The following RARB variants were observed in gnomAD, a reference collection of about 807,000 sequenced individuals.
RARB encodes the protein HBV-activated protein.
In RARB, 17 loss-of-function variants were observed where a neutral mutation model predicts 51.9. That is an observed-to-expected ratio of 0.33 (90% CI 0.22 to 0.49). The LOEUF is 0.49. RARB is among the 20% of genes least tolerant of loss of function. The pLI is 0.99. For synonymous variants in RARB, 215 were observed against 195.4 expected (o/e 1.10, Z -0.84); for missense variants, 369 against 550.8 (o/e 0.67, Z 3.30).
intron 2 of RARB, among the ~76,000 whole-genome samples, chr3:25,040,489 T>G (rs1698089501): frequency 1.3e-5 from 2 of 152,114 alleles, no homozygotes; most frequent in African/African-American, 4.8e-5. Context: ...TCTCAGCACT[T>G]TGGGAGGCCT....
intron 4 of RARB, among the ~76,000 whole-genome samples, chr3:25,135,812 C>A (rs1020710614): frequency 6.6e-6 from 1 of 151,822 alleles, no homozygotes; most frequent in Non-Finnish European, 1.5e-5. Flanking sequence ...AATCAGGCAC[C>A]ATGCACCAAG....
intron 5 of RARB, among the ~76,000 whole-genome samples, chr3:25,186,188 C>A (rs912292210): frequency 5.3e-4 from 80 of 152,120 alleles, no homozygotes; most frequent in African/African-American, 1.7e-3. Context: ...AAAAGAAATT[C>A]AGATATCCCA....
At chr3:24,927,484 T>C (rs1343314847) in intron 2 of RARB, among the ~76,000 whole-genome samples, 2 of 152,098 alleles carry the variant, frequency 1.3e-5, no homozygotes, top group Admixed American at 1.3e-4. Context: ...TAGGGATGTA[T>C]TGAGATTGAA....
intron 2 of RARB, among the ~76,000 whole-genome samples, chr3:25,470,085 G>C (rs1243930139): frequency 1.3e-5 from 2 of 152,142 alleles, no homozygotes; most frequent in Non-Finnish European, 2.9e-5. Flanking sequence ...CCGGGTTGTA[G>C]ACTAACCCTT....
Position 25,587,690 on chromosome 3 carries a change from G to C in RARB, c.787-5813G>C, listed in dbSNP as rs539793421. On this transcript the variant is annotated intron_variant, in intron 5 of 7. Coordinates refer to ENST00000330688, the MANE Select transcript of RARB (RefSeq NM_000965.5). ...TGTTCCCATGAGCTCATCACAACAG[G>C]CACTATATGCGCTGCGTGTGTCTTT... Among the ~76,000 whole-genome samples the C allele has an allele frequency of 2.6e-5, 4 of 152,242 alleles. No individual in the cohort carries two copies. The South Asian group carries it at 8.3e-4, about 32-fold the overall frequency.
intron 2 of RARB, among the ~76,000 whole-genome samples, chr3:24,934,201 A>C (rs1316292423): frequency 6.6e-6 from 1 of 152,124 alleles, no homozygotes; most frequent in Non-Finnish European, 1.5e-5. Flanking sequence ...GGGAACCGGC[A>C]AAGACATTTC....
At chr3:25,187,099 T>C (rs1294964032) in intron 5 of RARB, among the ~76,000 whole-genome samples, 6 of 152,022 alleles carry the variant, frequency 3.9e-5, no homozygotes, top group African/African-American at 9.7e-5. Flanking sequence ...GGGATGTGCC[T>C]TTCCTCCTCT....
At chr3:25,572,802 G>A (rs1700757470) in intron 4 of RARB, among the ~76,000 whole-genome samples, 1 of 152,072 alleles carries the variant, frequency 6.6e-6, no homozygotes, top group Non-Finnish European at 1.5e-5. Flanking sequence ...GCTACATCAG[G>A]GTCCCCCTCC....
chr3:25,495,566 G>T (rs1339016475), intron 2 of RARB, among the ~76,000 whole-genome samples: 3 of 152,176 alleles, frequency 2.0e-5, no homozygotes, highest in Non-Finnish European at 4.4e-5. Context: ...GAACCAAATG[G>T]CTCTAATGCA....
chr3:24,925,948 G>C (rs1695311638), intron 2 of RARB, among the ~76,000 whole-genome samples: 1 of 152,020 alleles, frequency 6.6e-6, no homozygotes, highest in African/African-American at 2.4e-5. Flanking sequence ...ATCCTTTGAA[G>C]TTGATGTCTG....
chr3:25,386,076 A>C (rs531927237), intron 5 of RARB, among the ~76,000 whole-genome samples: 13 of 152,286 alleles, frequency 8.5e-5, no homozygotes, highest in Middle Eastern at 3.4e-3. Flanking sequence ...TGTAACCTTG[A>C]AGGATCCAGA....
intron 1 of RARB, among the ~76,000 whole-genome samples, chr3:25,453,310 C>T (rs755123499): frequency 5.6e-5 from 8 of 142,884 alleles, no homozygotes; most frequent in Non-Finnish European, 1.2e-4. Flanking sequence ...TGCAATGGCA[C>T]GATCTCGGCT....
At chr3:24,983,309 C>G (rs1180831751) in intron 2 of RARB, among the ~76,000 whole-genome samples, 3 of 151,728 alleles carry the variant, frequency 2.0e-5, no homozygotes, top group Admixed American at 2.0e-4. Context: ...ACTGCTAAGT[C>G]ACTGATATTT....
intron 3 of RARB, among the ~76,000 whole-genome samples, chr3:25,562,978 T>C (rs1700333937): frequency 6.6e-6 from 1 of 152,248 alleles, no homozygotes; most frequent in Non-Finnish European, 1.5e-5. Flanking sequence ...TTCAGAGATT[T>C]TCTATAACTT....
intron 5 of RARB, among the ~76,000 whole-genome samples, chr3:25,216,675 C>A (rs138521758): frequency 2.2e-4 from 34 of 151,310 alleles, no homozygotes; most frequent in Non-Finnish European, 4.0e-4. Flanking sequence ...TGCAACAAAT[C>A]TGCACATTCT....
chr3:24,984,671 A>C (rs545814254), intron 2 of RARB, among the ~76,000 whole-genome samples: 6 of 152,280 alleles, frequency 3.9e-5, no homozygotes, highest in Admixed American at 3.3e-4. Context: ...CTAGAACTCT[A>C]ATGTACAGTG....
intron 5 of RARB, among the ~76,000 whole-genome samples, chr3:25,204,818 C>T (rs564709362): frequency 1.3e-4 from 20 of 152,258 alleles, no homozygotes; most frequent in East Asian, 9.7e-4. Flanking sequence ...AGCCGTGTGA[C>T]GTGTCAGTCT....
intron 5 of RARB, among the ~76,000 whole-genome samples, chr3:25,342,175 G>A (rs1483831): frequency 0.19 from 28,305 of 152,182 alleles, 3,356 homozygotes; most frequent in Admixed American, 0.31. Flanking sequence ...CAGGAATCAC[G>A]TGAAGTTTGA....
chr3:25,194,459 G>GTATATATATACAGTAGTGTGTATA (rs1553641768), intron 5 of RARB, among the ~76,000 whole-genome samples: 67 of 150,200 alleles, frequency 4.5e-4, no homozygotes, highest in African/African-American at 1.1e-3. Context: ...TAATCAAATA[G>GTATATATATACAGTAGTGTGTATA]TATATATATA....
Sources: allele counts gnomAD v4.1 joint callset (sites outside exome capture counted in the v4.1 genomes callset), GRCh38; gene constraint gnomAD v4.1.1; transcripts MANE v1.5; gene names NCBI Gene and HGNC (gene_info 2026-07-23, HGNC 2026-07-21).